Variants in CLEC2A observed in about 807,000 individuals in gnomAD.
The protein encoded by CLEC2A is C-type lectin domain family 2 member A.
Under a neutral mutation model 18.6 loss-of-function variants are expected in CLEC2A, and 19 were observed. The observed-to-expected ratio is 1.02, with a 90% CI of 0.71 to 1.50. The LOEUF (loss-of-function observed/expected upper bound fraction) is 1.50. CLEC2A is among the 40% of genes most tolerant of loss of function. CLEC2A has a pLI of 0.00. For missense variants in CLEC2A, 190 were observed against 207.9 expected (o/e 0.91, Z 0.53); for synonymous variants, 74 against 64.0 (o/e 1.16, Z -0.75).
chr12:9,909,901 G>T (rs867108402), downstream of CLEC2A, among the ~76,000 whole-genome samples: 1 of 152,076 alleles, frequency 6.6e-6, no homozygotes, highest in African/African-American at 2.4e-5. Context: ...GAGGAAGATG[G>T]TCTAGGGGAT....
At chr12:9,892,580 C>CTTTTTTTTT in the CLEC2A span, among the ~76,000 whole-genome samples, 1 of 104,836 alleles carries the variant, frequency 9.5e-6, no homozygotes, top group East Asian at 2.7e-4. Context: ...TACAGAACTG[C>CTTTTTTTTT]TTTTTTTTTT....
the CLEC2A span, among the ~76,000 whole-genome samples, chr12:9,887,344 T>C: frequency 3.3e-5 from 5 of 152,216 alleles, no homozygotes; most frequent in Admixed American, 6.5e-5. Context: ...AAAAATATAA[T>C]CCTAAAGGGT....
At chr12:9,930,011 G>A (rs1382952201) in intron 1 of CLEC2A, among the ~76,000 whole-genome samples, 3 of 152,004 alleles carry the variant, frequency 2.0e-5, no homozygotes, top group African/African-American at 7.3e-5. Context: ...GCCGTAACAA[G>A]TTGTCACAAA....
downstream of CLEC2A, among the ~76,000 whole-genome samples, chr12:9,909,745 G>C (rs1035250852): frequency 1.3e-5 from 2 of 152,140 alleles, no homozygotes; most frequent in Non-Finnish European, 2.9e-5. Context: ...AGAGTATTTA[G>C]GCTGGTAAGG....
At chr12:9,893,304 T>TG in the CLEC2A span, 1 of 874,392 alleles carries the variant, frequency 1.1e-6, no homozygotes, top group Non-Finnish European at 1.7e-6. Flanking sequence ...CTATTGTTCA[T>TG]GAAAAAAATG....
intron 1 of CLEC2A, among the ~76,000 whole-genome samples, 165 bp downstream of exon 1, chr12:9,932,110 C>T (rs1035961357): frequency 7.9e-5 from 12 of 152,226 alleles, no homozygotes; most frequent in African/African-American, 2.9e-4. Context: ...AGACATAAAA[C>T]TCTACATGCT....
chr12:9,927,290 T>C (rs2137055051), intron 1 of CLEC2A, among the ~76,000 whole-genome samples: 1 of 152,220 alleles, frequency 6.6e-6, no homozygotes, highest in Admixed American at 6.5e-5. Context: ...CGTCTAAACA[T>C]AGAAAAGGTA....
At chr12:9,899,806 A>G (rs1283342187) in intron 4 of CLEC2A, among the ~76,000 whole-genome samples, 1 of 152,178 alleles carries the variant, frequency 6.6e-6, no homozygotes, top group African/African-American at 2.4e-5. Flanking sequence ...GGGTTGCCTT[A>G]ATCAGCAGGA....
At chr12:9,888,951 G>T in the CLEC2A span, among the ~76,000 whole-genome samples, 1 of 152,136 alleles carries the variant, frequency 6.6e-6, no homozygotes, top group African/African-American at 2.4e-5. Context: ...GTATCAAATG[G>T]TTGAAAGGCA....
intron 2 of CLEC2A, among the ~76,000 whole-genome samples, chr12:9,923,901 G>A (rs975525783): frequency 4.6e-5 from 7 of 152,018 alleles, no homozygotes; most frequent in East Asian, 1.9e-4. Flanking sequence ...ACACAGGGAC[G>A]GGAATATCAC....
At chr12:9,902,986 G>C (rs1213169977) in intron 4 of CLEC2A, among the ~76,000 whole-genome samples, 1 of 152,124 alleles carries the variant, frequency 6.6e-6, no homozygotes, top group Non-Finnish European at 1.5e-5. Context: ...AACTTTTTCT[G>C]AATAAGGAAA....
At chr12:9,904,126 C>T (rs7135834) in intron 4 of CLEC2A, among the ~76,000 whole-genome samples, 72,146 of 152,040 alleles carry the variant, frequency 0.47, 18,528 homozygotes, top group Non-Finnish European at 0.59. Context: ...TTAGGTCTCC[C>T]AGAAATGCTA....
intron 1 of CLEC2A, among the ~76,000 whole-genome samples, chr12:9,927,937 C>G (rs1863304268): frequency 6.6e-6 from 1 of 151,570 alleles, no homozygotes; most frequent in African/African-American, 2.4e-5. Flanking sequence ...GTGGGCAAAG[C>G]CATGTCTTAC....
At position 9,913,573 on chromosome 12, in the gene CLEC2A, A is replaced by G; in HGVS notation, c.518T>C (p.Phe173Ser). 2 of 1,545,050 alleles carry G rather than the reference A, an allele frequency of 1.3e-6. No homozygotes were observed. The highest frequency in any genetic ancestry group is 1.4e-5 in the African/African-American group (1 of 72,786). Residue 173 changes from phenylalanine (F) to serine (S), a missense_variant, in exon 5 of 5, where the codon TTT becomes TCT. Physicochemically the swap from Phe to Ser is radical, Grantham distance 155. Transcript: ENST00000455827. ...TTTCAAGTTTTTTCTGCTCTATAAAAAATATTTAGGTTTGCTGCAAATCCA... is the reference window on the plus strand; with the variant it reads ...TTTCAAGTTTTTTCTGCTCTATAAAGAATATTTAGGTTTGCTGCAAATCCA... Reference protein sequence around the residue: ...IKWICSKPKYFL With the variant: ...IKWICSKPKYSL
chr12:9,889,364 T>G, the CLEC2A span, among the ~76,000 whole-genome samples: 1 of 152,162 alleles, frequency 6.6e-6, no homozygotes, highest in Non-Finnish European at 1.5e-5. Flanking sequence ...GGGAAGATAT[T>G]TTTTAGATGA....
intron 4 of CLEC2A, among the ~76,000 whole-genome samples, chr12:9,905,746 T>C (rs979598797): frequency 4.6e-5 from 7 of 152,206 alleles, no homozygotes; most frequent in Non-Finnish European, 1.0e-4. Context: ...TCAAAACATG[T>C]ACAGTGAAAT....
chr12:9,907,171 C>A (rs1473711281), intron 4 of CLEC2A, among the ~76,000 whole-genome samples: 1 of 152,140 alleles, frequency 6.6e-6, no homozygotes, highest in Non-Finnish European at 1.5e-5. Context: ...CCTGTGGCTT[C>A]CGTGTTCCTG....
chr12:9,924,881 G>C (rs1390521964), intron 2 of CLEC2A, among the ~76,000 whole-genome samples: 1 of 152,128 alleles, frequency 6.6e-6, no homozygotes, highest in Non-Finnish European at 1.5e-5. Flanking sequence ...TTATAAGCAG[G>C]AGATAAAATA....
Position 9,898,999 on chromosome 12 carries a change from C to A in CLEC2A, c.411-23G>T, listed in dbSNP as rs140244064. On this transcript the variant is annotated intron_variant, in intron 4 of 4. Transcript: ENST00000339766. ...GGCCTGAAAGCAAGAACAGACAAACCGGATTATTAGAAAACATATATCAAA... is the reference window on the plus strand; with the variant it reads ...GGCCTGAAAGCAAGAACAGACAAACAGGATTATTAGAAAACATATATCAAA... 6.3e-4 allele frequency: 446 copies of A among 709,180 alleles called. 6 individuals are homozygous for A. The African/African-American group carries it at 6.6e-3, about 10-fold the overall frequency. The allele number at this position is 709,180 out of a possible 1,614,324, so 43.9% of individuals were successfully genotyped here.
Sources: gnomAD v4.1 joint callset for allele counts (sites outside exome capture counted in the v4.1 genomes callset) on GRCh38, gnomAD v4.1.1 for gene constraint, MANE v1.5 for transcripts, NCBI Gene and HGNC (gene_info 2026-07-23, HGNC 2026-07-21) for gene names.